The following ATP2B2 variants were observed in gnomAD, a reference collection of about 807,000 sequenced individuals.
ATP2B2 encodes ATPase plasma membrane Ca2+ transporting 2, also known as plasma membrane calcium-transporting ATPase 2.
ATP2B2 carries 15 observed loss-of-function variants against 120.0 expected under a neutral mutation model. That is an observed-to-expected ratio of 0.12 (90% CI 0.08 to 0.19). ATP2B2 has a LOEUF of 0.19. Ranked by LOEUF, ATP2B2 falls within the 10% of genes least tolerant of loss-of-function variation. The pLI is 1.00. For synonymous variants in ATP2B2, 694 were observed against 700.3 expected (o/e 0.99, Z 0.14); for missense variants, 1,045 against 1,719.8 (o/e 0.61, Z 6.94).
intron 2 of ATP2B2, among the ~76,000 whole-genome samples, chr3:10,614,607 G>A (rs2069332996): frequency 6.6e-6 from 1 of 152,176 alleles, no homozygotes; most frequent in African/African-American, 2.4e-5. Context: ...CATCGTAGTT[G>A]GGTGAGCTTT....
At chr3:10,529,960 A>G (rs1034733523) in intron 3 of ATP2B2, among the ~76,000 whole-genome samples, 1 of 152,186 alleles carries the variant, frequency 6.6e-6, no homozygotes, top group African/African-American at 2.4e-5. Flanking sequence ...AGAGGCCGGG[A>G]AAGAGTCAGC....
chr3:10,540,070 A>C (rs1389687245), intron 2 of ATP2B2, among the ~76,000 whole-genome samples: 1 of 152,256 alleles, frequency 6.6e-6, no homozygotes, highest in African/African-American at 2.4e-5. Context: ...ATATGAACAG[A>C]CATTTCTCAA....
intron 6 of ATP2B2, chr3:10,387,980 T>C (rs910041649): frequency 3.4e-5 from 14 of 410,766 alleles, no homozygotes; most frequent in South Asian, 1.7e-4. Flanking sequence ...GCTGGCTGTT[T>C]CCACCACTTG....
At chr3:10,569,742 A>G (rs926785059) in intron 2 of ATP2B2, among the ~76,000 whole-genome samples, 1 of 152,124 alleles carries the variant, frequency 6.6e-6, no homozygotes, top group Non-Finnish European at 1.5e-5. Flanking sequence ...AGGTGAGGCA[A>G]GTCCCGAAGT....
intron 22 of ATP2B2, among the ~76,000 whole-genome samples, chr3:10,333,123 C>T (rs1275292762): frequency 6.6e-6 from 1 of 152,142 alleles, no homozygotes; most frequent in Non-Finnish European, 1.5e-5. Flanking sequence ...GGGTTTTCCT[C>T]ACTCCAGTGT....
chr3:10,642,536 C>A (rs1049015780), intron 1 of ATP2B2, among the ~76,000 whole-genome samples: 1 of 152,186 alleles, frequency 6.6e-6, no homozygotes, highest in African/African-American at 2.4e-5. Context: ...TACACCCACA[C>A]ACGTACACAC....
chr3:10,413,328 G>A (rs1323765099), intron 2 of ATP2B2, among the ~76,000 whole-genome samples: 9 of 152,240 alleles, frequency 5.9e-5, no homozygotes, highest in Non-Finnish European at 1.5e-5. Context: ...GGGCCAGGCT[G>A]GCTGAGACAC....
rs143622158 is a variant in ATP2B2 at position 10,625,446 on chromosome 3, T to A, written c.-459-5485A>T. Among the ~76,000 whole-genome samples the A allele has an allele frequency of 3.0e-3, 458 of 152,272 alleles. 1 individual carries two copies. Among genetic ancestry groups the A allele is most frequent in the African/African-American group, 0.01 (436 of 41,556 alleles). On this transcript the variant is annotated intron_variant, in intron 1 of 21. Coordinates refer to the ATP2B2 transcript ENST00000646379. ...CTCTGAGTGATGGGCTGCCCCTGGC[T>A]CCCGCTGAACTACTGAATGGGATGG...
At chr3:10,394,807 G>A (rs1332554896) in intron 5 of ATP2B2, among the ~76,000 whole-genome samples, 3 of 151,984 alleles carry the variant, frequency 2.0e-5, no homozygotes, top group African/African-American at 7.3e-5. Context: ...CGGGGGTTGA[G>A]CCATCGGGCC....
chr3:10,500,038 T>A (rs2066319226), intron 1 of ATP2B2, among the ~76,000 whole-genome samples: 1 of 149,598 alleles, frequency 6.7e-6, no homozygotes, highest in Admixed American at 6.8e-5. Flanking sequence ...CAGGATCAAA[T>A]GATTCTCCTG....
intron 2 of ATP2B2, among the ~76,000 whole-genome samples, chr3:10,579,644 A>G (rs1157413741): frequency 2.6e-5 from 4 of 152,166 alleles, no homozygotes; most frequent in Non-Finnish European, 5.9e-5. Flanking sequence ...CCCTGTCTCT[A>G]CTAAAAAATA....
At chr3:10,600,847 G>A (rs2125591686) in intron 2 of ATP2B2, among the ~76,000 whole-genome samples, 1 of 152,308 alleles carries the variant, frequency 6.6e-6, no homozygotes, top group South Asian at 2.1e-4. Context: ...GAGATGAGCT[G>A]GAATGAGGGG....
intron 1 of ATP2B2, among the ~76,000 whole-genome samples, chr3:10,465,824 G>A (rs971604064): frequency 2.0e-5 from 3 of 152,200 alleles, no homozygotes; most frequent in African/African-American, 7.2e-5. Context: ...GGGGGCGTGT[G>A]CAGGTGTGTG....
intron 1 of ATP2B2, among the ~76,000 whole-genome samples, chr3:10,671,973 G>GCA (rs1004905197): frequency 2.0e-5 from 3 of 152,200 alleles, no homozygotes; most frequent in African/African-American, 4.8e-5. Flanking sequence ...TGCACTGTGG[G>GCA]CAGAGGGTCC....
chr3:10,505,099 G>A (rs2066566352), intron 1 of ATP2B2, among the ~76,000 whole-genome samples: 1 of 152,166 alleles, frequency 6.6e-6, no homozygotes, highest in Non-Finnish European at 1.5e-5. Flanking sequence ...CCAGCTTGCT[G>A]GCCCTTGCAT....
At chr3:10,609,050 G>GC (rs1201065623) in intron 2 of ATP2B2, among the ~76,000 whole-genome samples, 2 of 152,250 alleles carry the variant, frequency 1.3e-5, no homozygotes, top group East Asian at 3.8e-4. Flanking sequence ...GCCAAGTCCT[G>GC]CCGCTGCTTC....
chr3:10,690,204 G>C (rs975779213), intron 1 of ATP2B2, among the ~76,000 whole-genome samples: 3 of 152,238 alleles, frequency 2.0e-5, no homozygotes, highest in East Asian at 1.9e-4. Context: ...TTGACATAGG[G>C]GGGGACAAAC....
Position 10,449,665 on chromosome 3 carries a change from G to A in ATP2B2, c.-122C>T. ...CACTGGTCAGCTGTGGCACCAGGCGGCCGACTCCGGGTCCCGGGGGGTGGG... is the reference window on the plus strand; with the variant it reads ...CACTGGTCAGCTGTGGCACCAGGCGACCGACTCCGGGTCCCGGGGGGTGGG... On this transcript the variant is annotated 5_prime_UTR_variant, in exon 2 of 23. Transcript: ENST00000360273. 2.4e-6 allele frequency: 3 copies of A among 1,260,670 alleles called. No individual in the cohort carries two copies. The South Asian group carries it at 3.7e-5, about 15-fold the overall frequency. 78.1% of individuals were successfully genotyped at this position (1,260,670 alleles called of 1,614,324 possible). A position where few individuals can be genotyped will look rare whatever the true frequency, so the allele number is the denominator to read the frequency against.
At chr3:10,561,035 C>A (rs138992826) in intron 2 of ATP2B2, among the ~76,000 whole-genome samples, 1,959 of 152,300 alleles carry the variant, frequency 0.013, 23 homozygotes, top group Non-Finnish European at 0.021. Flanking sequence ...GAATGACCTT[C>A]CATCACCCTC....
Sources: allele counts gnomAD v4.1 joint callset (sites outside exome capture counted in the v4.1 genomes callset), GRCh38; gene constraint gnomAD v4.1.1; transcripts MANE v1.5; gene names NCBI Gene and HGNC (gene_info 2026-07-23, HGNC 2026-07-21).